EIF4E2: variants seen among roughly 807,000 people sequenced by gnomAD.
EIF4E2 encodes the protein eukaryotic translation initiation factor 4E type 2.
Under a neutral mutation model 34.2 loss-of-function variants are expected in EIF4E2, and 13 were observed. That is an observed-to-expected ratio of 0.38 (90% confidence interval 0.25 to 0.60). The LOEUF (loss-of-function observed/expected upper bound fraction) is 0.60. Ranked by LOEUF, EIF4E2 falls within the 20% of genes least tolerant of loss-of-function variation. The probability of loss-of-function intolerance (pLI) is 0.62; values close to 1 mark genes in which losing one functional copy is unlikely to be tolerated. For synonymous variants in EIF4E2, 100 were observed against 106.6 expected, an observed-to-expected ratio of 0.94 and a Z score of 0.38; for missense variants, 222 against 315.1, an observed-to-expected ratio of 0.70 and a Z score of 2.24.
chr2:232,570,204 A>G (rs1311197046), downstream of EIF4E2, among the ~76,000 whole-genome samples: 1 of 152,148 alleles, frequency 6.6e-6, no homozygotes, highest in East Asian at 1.9e-4. Context: ...ATGTGGCCCA[A>G]GATCCTGCAT....
intron 3 of EIF4E2, among the ~76,000 whole-genome samples, chr2:232,562,159 G>A (rs1692747759): frequency 6.6e-6 from 1 of 152,114 alleles, no homozygotes; most frequent in Non-Finnish European, 1.5e-5. Flanking sequence ...AGGCTGCAGT[G>A]AGCCATGATC....
intron 6 of EIF4E2, chr2:232,568,188 T>A: frequency 1.0e-6 from 1 of 985,418 alleles, no homozygotes. Flanking sequence ...ATCATGTTGT[T>A]ATTATTGAAG....
At chr2:232,561,639 C>G (rs1451857110) in intron 3 of EIF4E2, among the ~76,000 whole-genome samples, 2 of 152,170 alleles carry the variant, frequency 1.3e-5, no homozygotes, top group Non-Finnish European at 2.9e-5. Flanking sequence ...CCCAGTGATT[C>G]TTAGCCTAAT....
intron 6 of EIF4E2, chr2:232,568,373 A>T: frequency 8.1e-6 from 8 of 985,448 alleles, no homozygotes; most frequent in Non-Finnish European, 9.6e-6. Flanking sequence ...ATGACTCATC[A>T]TAGTCACGAA....
chr2:232,577,693 A>G (rs1693255467), intron 6 of EIF4E2, among the ~76,000 whole-genome samples: 1 of 152,234 alleles, frequency 6.6e-6, no homozygotes, highest in African/African-American at 2.4e-5. Flanking sequence ...TATTTCTGAG[A>G]CATCATCAGG....
chr2:232,577,044 T>C (rs188067773), intron 6 of EIF4E2, among the ~76,000 whole-genome samples: 2 of 152,360 alleles, frequency 1.3e-5, no homozygotes, highest in Admixed American at 6.5e-5. Flanking sequence ...AGTAAAACTC[T>C]CAGTGAGCTG....
intron 2 of EIF4E2, 50 bp downstream of exon 2, chr2:232,556,580 T>A (rs113235222): frequency 6.2e-4 from 793 of 1,285,796 alleles, no homozygotes; most frequent in Non-Finnish European, 8.1e-4. Context: ...GAGACTTTTA[T>A]TATCTTGTGG....
At chr2:232,553,221 G>A (rs1347012466) in intron 1 of EIF4E2, among the ~76,000 whole-genome samples, 2 of 63,402 alleles carry the variant, frequency 3.2e-5, no homozygotes, top group African/African-American at 2.0e-4. Context: ...ACGTAAAACC[G>A]TAAGATGCTT....
chr2:232,583,438 T>G (rs1171279881), exon 7 of EIF4E2: 1 of 104,636 alleles, frequency 9.6e-6, no homozygotes, highest in Non-Finnish European at 2.0e-5. Context: ...TTCGTGTGTG[T>G]GTGTGTGTGT....
At position 232,581,103 on chromosome 2, in the gene EIF4E2, C is replaced by G; in HGVS notation, c.*160C>G. 2.6e-6 allele frequency: 2 copies of G among 763,212 alleles called. No individual in the cohort carries two copies. Among genetic ancestry groups the G allele is most frequent in the Non-Finnish European group, 4.7e-6 (2 of 428,380 alleles). The allele number at this position is 763,212 out of a possible 1,614,324, so 47.3% of individuals were successfully genotyped here. A position where few individuals can be genotyped will look rare whatever the true frequency, so the allele number is the denominator to read the frequency against. Reference sequence around the variant, plus strand: ...CCTGGAGGACGGATTCCGCTAGACACCCTCCAGCATCGCTGACTTTATAAA... The same window carrying G: ...CCTGGAGGACGGATTCCGCTAGACAGCCTCCAGCATCGCTGACTTTATAAA... On this transcript the variant is annotated 3_prime_UTR_variant, in exon 7 of 7. Transcript: ENST00000409098. This position sits in a 1 kb window ranked among gnomAD's most constrained non-coding sequence, Gnocchi z 5.2.
At chr2:232,559,989 T>TA (rs915466814) in intron 3 of EIF4E2, among the ~76,000 whole-genome samples, 3 of 152,086 alleles carry the variant, frequency 2.0e-5, no homozygotes, top group African/African-American at 7.2e-5. Context: ...AGATCCTGTC[T>TA]AAAAAAATTT....
At chr2:232,553,797 G>T (rs965319848) in intron 1 of EIF4E2, 8 of 152,180 alleles carry the variant, frequency 5.3e-5, no homozygotes, top group African/African-American at 1.9e-4. Context: ...GCCCTAAGTG[G>T]TCCAGGGATC....
At chr2:232,568,691 G>A in intron 6 of EIF4E2, 6 of 985,416 alleles carry the variant, frequency 6.1e-6, no homozygotes, top group Non-Finnish European at 6.0e-6. Flanking sequence ...CCATAAGGCA[G>A]TTCTTCGTGA....
At chr2:232,559,100 A>G (rs1266964921) in intron 3 of EIF4E2, among the ~76,000 whole-genome samples, 1 of 151,778 alleles carries the variant, frequency 6.6e-6, no homozygotes, top group Non-Finnish European at 1.5e-5. Context: ...GAGGGATAGC[A>G]TTGGGAGATA....
chr2:232,564,073 T>C (rs1392079216), intron 3 of EIF4E2, among the ~76,000 whole-genome samples, 174 bp from the exon 4 acceptor site: 2 of 152,266 alleles, frequency 1.3e-5, no homozygotes, highest in Non-Finnish European at 2.9e-5. Context: ...GGTATGTTTT[T>C]CCTCTAATAT....
At chr2:232,569,786 C>T (rs1192848376), downstream of EIF4E2, 1 of 152,260 alleles carries the variant, frequency 6.6e-6, no homozygotes, top group Non-Finnish European at 1.5e-5. Flanking sequence ...TGCAAGATCT[C>T]AGGGTTACAG....
intron 6 of EIF4E2, 97 bp downstream of exon 6, chr2:232,567,311 CTT>C: frequency 6.4e-7 from 1 of 1,567,840 alleles, no homozygotes; most frequent in Non-Finnish European, 8.6e-7. Context: ...AGGAGACTTA[CTT>C]GTGGAGAAGG....
intron 1 of EIF4E2, among the ~76,000 whole-genome samples, chr2:232,554,907 C>T (rs985031977): frequency 2.0e-5 from 3 of 152,160 alleles, no homozygotes; most frequent in Non-Finnish European, 4.4e-5. Flanking sequence ...TTGAGCAAGG[C>T]TCTGGGGCAT....
At chr2:232,577,470 C>T (rs1329925473) in intron 6 of EIF4E2, among the ~76,000 whole-genome samples, 1 of 152,224 alleles carries the variant, frequency 6.6e-6, no homozygotes, top group Non-Finnish European at 1.5e-5. Context: ...TGAATGACCA[C>T]TTTGCCCCCC....
Sources: gnomAD v4.1 joint callset for allele counts (sites outside exome capture counted in the v4.1 genomes callset) on GRCh38, gnomAD v4.1.1 for gene constraint, Gnocchi (gnomAD v3.1) non-coding constraint, MANE v1.5 for transcripts, NCBI Gene and HGNC (gene_info 2026-07-23, HGNC 2026-07-21) for gene names.